The following SGCZ variants were observed in gnomAD, a reference collection of about 807,000 sequenced individuals.
SGCZ encodes the protein zeta-sarcoglycan.
In SGCZ, 40 loss-of-function variants were observed where a neutral mutation model predicts 41.3. The observed-to-expected ratio is 0.97, with a 90% confidence interval of 0.75 to 1.26. The LOEUF (loss-of-function observed/expected upper bound fraction) is 1.26. SGCZ is among the 50% of genes most tolerant of loss of function. SGCZ has a pLI of 0.00. For missense variants in SGCZ, 552 were observed against 369.8 expected (o/e 1.49, Z -4.04); for synonymous variants, 206 against 137.5 (o/e 1.50, Z -3.49).
intron 5 of SGCZ, among the ~76,000 whole-genome samples, chr8:14,137,978 C>A (rs566043242): frequency 1.3e-5 from 2 of 152,264 alleles, no homozygotes; most frequent in Non-Finnish European, 1.5e-5. Flanking sequence ...TAACAGCAGA[C>A]CTCTCAGCAG....
intron 1 of SGCZ, among the ~76,000 whole-genome samples, chr8:14,747,990 C>G (rs906832513): frequency 6.6e-6 from 1 of 151,200 alleles, no homozygotes; most frequent in Non-Finnish European, 1.5e-5. Flanking sequence ...CCACAAGGCA[C>G]TTTTTGATGC....
intron 1 of SGCZ, among the ~76,000 whole-genome samples, chr8:14,742,685 TAAGGA>T (rs1240743462): frequency 6.6e-6 from 1 of 152,022 alleles, no homozygotes; most frequent in Non-Finnish European, 1.5e-5. Context: ...CCAGTGTACT[TAAGGA>T]AAGGGAAGAT....
intron 4 of SGCZ, among the ~76,000 whole-genome samples, chr8:14,198,073 A>T (rs1805325069): frequency 1.3e-5 from 2 of 152,214 alleles, no homozygotes; most frequent in African/African-American, 4.8e-5. Context: ...GTCCTCACTT[A>T]ACTGTGGTTA....
chr8:15,162,297 A>T (rs931732058), intron 1 of SGCZ, among the ~76,000 whole-genome samples: 3 of 152,180 alleles, frequency 2.0e-5, no homozygotes, highest in Non-Finnish European at 2.9e-5. Context: ...GAATTTTTTT[A>T]AAAAACGGCC....
At chr8:15,158,391 AT>A (rs972282820) in intron 1 of SGCZ, among the ~76,000 whole-genome samples, 2 of 152,142 alleles carry the variant, frequency 1.3e-5, no homozygotes, top group Admixed American at 6.5e-5. Flanking sequence ...ATTTTTGTGC[AT>A]TTTTTATGTG....
chr8:14,632,484 C>T (rs1024877017), intron 1 of SGCZ, among the ~76,000 whole-genome samples: 18 of 152,030 alleles, frequency 1.2e-4, no homozygotes, highest in South Asian at 2.1e-4. Context: ...TGTTATTCAA[C>T]GTATGGCTTC....
chr8:14,506,888 C>G (rs1802322041), intron 2 of SGCZ, among the ~76,000 whole-genome samples: 1 of 152,176 alleles, frequency 6.6e-6, no homozygotes, highest in Non-Finnish European at 1.5e-5. Flanking sequence ...GCAGGCTCCT[C>G]CTCATCCCCT....
Position 14,899,286 on chromosome 8 carries a change from C to T in SGCZ, c.39+338299G>A, listed in dbSNP as rs115386488. ...GCCGGCAATCCCTTCTTCCTTTCTT[C>T]CTCCCTTATTTCCCACTTCCCTCCC... On this transcript the variant is annotated intron_variant, in intron 1 of 7. Transcript: ENST00000382080. 3.0e-3 allele frequency among the ~76,000 whole-genome samples: 451 copies of T among 152,234 alleles called. 3 individuals are homozygous for T. The highest frequency in any genetic ancestry group is 0.01 in the African/African-American group (416 of 41,538).
At chr8:14,612,790 G>T (rs1269486573) in intron 1 of SGCZ, among the ~76,000 whole-genome samples, 1 of 152,086 alleles carries the variant, frequency 6.6e-6, no homozygotes, top group African/African-American at 2.4e-5. Flanking sequence ...AAGCTCAAAT[G>T]ATTCTCCTGC....
At chr8:14,190,010 C>CTTTTTTTT (rs1397799185) in intron 4 of SGCZ, among the ~76,000 whole-genome samples, 47 of 68,472 alleles carry the variant, frequency 6.9e-4, no homozygotes, top group South Asian at 1.4e-3. Context: ...TTCTTTCTTT[C>CTTTTTTTT]TTTCTTTTTT....
intron 1 of SGCZ, among the ~76,000 whole-genome samples, chr8:14,668,336 A>G (rs1807983734): frequency 1.3e-5 from 2 of 151,424 alleles, no homozygotes; most frequent in South Asian, 2.1e-4. Context: ...ACACTTGAAT[A>G]TATGGTTTTT....
At chr8:14,700,134 T>C (rs1482615727) in intron 1 of SGCZ, among the ~76,000 whole-genome samples, 8 of 151,890 alleles carry the variant, frequency 5.3e-5, no homozygotes, top group Non-Finnish European at 1.5e-5. Context: ...TCAACCATTC[T>C]ACCAAAAAGA....
At chr8:14,377,619 G>C (rs1804182570) in intron 2 of SGCZ, among the ~76,000 whole-genome samples, 1 of 151,634 alleles carries the variant, frequency 6.6e-6, no homozygotes, top group Admixed American at 6.6e-5. Flanking sequence ...ATGCTGGTGT[G>C]CTGCACCCAC....
At chr8:15,130,543 G>C (rs538791047) in intron 1 of SGCZ, among the ~76,000 whole-genome samples, 1 of 152,166 alleles carries the variant, frequency 6.6e-6, no homozygotes, top group Non-Finnish European at 1.5e-5. Flanking sequence ...TTTTAGAAAT[G>C]CTCCTCATCC....
At chr8:14,915,639 C>G (rs916581017) in intron 1 of SGCZ, among the ~76,000 whole-genome samples, 3 of 152,142 alleles carry the variant, frequency 2.0e-5, no homozygotes, top group Admixed American at 6.5e-5. Flanking sequence ...CGGCGACCAG[C>G]CTTCCCCATG....
intron 1 of SGCZ, among the ~76,000 whole-genome samples, chr8:14,855,484 G>T (rs1247195564): frequency 1.3e-5 from 2 of 152,090 alleles, no homozygotes; most frequent in East Asian, 3.9e-4. Context: ...GTCCATACTT[G>T]CAGGATAGAT....
rs527469559 is a variant in SGCZ at position 14,182,995 on chromosome 8, G to C, written c.425-18293C>G. The stretch of plus-strand genomic sequence containing the variant: ...ATTGCACTCCAGCCTGGGCAACAAA[G>C]AGCAAAACTCCGTCTCAAAAAAAAA... On this transcript the variant is annotated intron_variant, in intron 4 of 7. Transcript: ENST00000382080. Among the ~76,000 whole-genome samples, 334 of 76,444 alleles carry C rather than the reference G, an allele frequency of 4.4e-3. 1 individual carries two copies. Among genetic ancestry groups the C allele is most frequent in the African/African-American group, 0.018 (323 of 17,734 alleles). The allele number at this position is 76,444 out of a possible 152,430, so 50.2% of individuals were successfully genotyped here.
intron 3 of SGCZ, among the ~76,000 whole-genome samples, chr8:14,246,831 A>G (rs1321497427): frequency 6.8e-6 from 1 of 145,986 alleles, no homozygotes; most frequent in Non-Finnish European, 1.5e-5. Flanking sequence ...AATGGCATGA[A>G]CCCGGGAGGC....
At chr8:14,410,098 T>G (rs1354483728) in intron 2 of SGCZ, among the ~76,000 whole-genome samples, 1 of 152,082 alleles carries the variant, frequency 6.6e-6, no homozygotes, top group Non-Finnish European at 1.5e-5. Context: ...GTTAGATTCT[T>G]AAAGGAATGC....
Sources: allele counts gnomAD v4.1 joint callset (sites outside exome capture counted in the v4.1 genomes callset), GRCh38; gene constraint gnomAD v4.1.1; transcripts MANE v1.5; gene names NCBI Gene and HGNC (gene_info 2026-07-23, HGNC 2026-07-21).